ORC4: variants seen among roughly 807,000 people sequenced by gnomAD.
The protein encoded by ORC4 is origin recognition complex subunit 4, also known as origin recognition complex, subunit 4 homolog.
ORC4 carries 55 observed loss-of-function variants against 63.9 expected under a neutral mutation model. That is an observed-to-expected ratio of 0.86 (90% confidence interval 0.69 to 1.08). ORC4 has a LOEUF of 1.08. Among genes scored for constraint, ORC4 ranks in the 50% least tolerant of loss-of-function variants. ORC4 has a pLI of 0.00. For missense variants in ORC4, 511 were observed against 504.4 expected (o/e 1.01, Z -0.13); for synonymous variants, 150 against 168.5 (o/e 0.89, Z 0.85).
chr2:147,964,847 T>C (rs1379048700), intron 4 of ORC4, among the ~76,000 whole-genome samples: 5 of 152,150 alleles, frequency 3.3e-5, no homozygotes, highest in South Asian at 2.1e-4. Context: ...TTTTAGCTGA[T>C]TGTCAGAATA....
intron 1 of ORC4, among the ~76,000 whole-genome samples, chr2:148,012,437 C>T (rs1366711193): frequency 1.3e-5 from 2 of 152,014 alleles, no homozygotes; most frequent in African/African-American, 4.8e-5. Flanking sequence ...TTGCCATATA[C>T]AAAAATCAAA....
At chr2:147,971,697 A>C (rs1356264354) in intron 4 of ORC4, among the ~76,000 whole-genome samples, 1 of 152,042 alleles carries the variant, frequency 6.6e-6, no homozygotes, top group Non-Finnish European at 1.5e-5. Flanking sequence ...GCAAAGAAAA[A>C]CCATAATAAA....
rs559511813 is a variant in ORC4, at chr2:147,993,398, T to A, written c.-17-17423A>T. Among the ~76,000 whole-genome samples, 21 of 152,292 alleles carry A rather than the reference T, an allele frequency of 1.4e-4. No individual in the cohort carries two copies. The East Asian group carries it at 4.0e-3, about 29-fold the overall frequency. ...AAATAACATTGCTTTAGAGATAAATTATTTAAGAATTGCTAGAAATTACCC... is the reference window on the plus strand; with the variant it reads ...AAATAACATTGCTTTAGAGATAAATAATTTAAGAATTGCTAGAAATTACCC... On this transcript the variant is annotated intron_variant, in intron 1 of 13. Coordinates refer to ENST00000392857, the MANE Select transcript of ORC4 (RefSeq NM_181741.4).
chr2:147,952,467 G>A lies in ORC4; in HGVS notation c.494C>T (p.Ala165Val), dbSNP rs1460272905. ...GAGAAGTGTTTGGTTTTTATGATGA[G>A]CAAAAAGATCAAATTCATCTAATAT... ...IFILDEFDLF[A>V]HHKNQTLLYN... Residue 165 changes from alanine to valine, a missense_variant, in exon 8 of 14, where the codon GCT (alanine) becomes GTT (valine). By Grantham distance (64) the Ala-to-Val change is moderately conservative. Coordinates refer to ENST00000392857, the MANE Select transcript of ORC4 (RefSeq NM_181741.4). 1.9e-6 allele frequency: 3 copies of A among 1,610,424 alleles called. No homozygotes were observed. The highest frequency in any genetic ancestry group is 1.3e-5 in the African/African-American group (1 of 74,818).
At chr2:147,939,032 T>C (rs780915128) in intron 11 of ORC4, 108 bp downstream of exon 11, 185 of 727,566 alleles carry the variant, frequency 2.5e-4, no homozygotes, top group Non-Finnish European at 4.1e-4. Context: ...GATACGAAAG[T>C]ATTTTATAAA....
intron 1 of ORC4, among the ~76,000 whole-genome samples, chr2:148,020,266 T>A (rs1693617660): frequency 6.6e-6 from 1 of 152,224 alleles, no homozygotes; most frequent in African/African-American, 2.4e-5. Flanking sequence ...GACTTGTCTC[T>A]GTCCCTAGAT....
rs557582894 is a variant in ORC4, at chr2:147,957,787, C to T, written c.387+511G>A. ...CTGTGAAGTATGGATAATAAAATAA[C>T]GCCCAATTAACATGTAAAGAATCTG... On this transcript the variant is annotated intron_variant, in intron 6 of 13. Coordinates refer to ENST00000392857, the MANE Select transcript of ORC4 (RefSeq NM_181741.4). Among the ~76,000 whole-genome samples, 12 of 152,202 alleles carry T rather than the reference C, an allele frequency of 7.9e-5. No homozygotes were observed. In the East Asian group the frequency reaches 2.1e-3, roughly 27 times the overall value.
At chr2:147,949,453 C>G (rs911489316) in intron 8 of ORC4, among the ~76,000 whole-genome samples, 3 of 151,962 alleles carry the variant, frequency 2.0e-5, no homozygotes, top group African/African-American at 7.2e-5. Flanking sequence ...GGGGTGATCA[C>G]TAAAAGGTAC....
At chr2:148,009,623 T>C (rs1419040117) in intron 1 of ORC4, among the ~76,000 whole-genome samples, 2 of 152,176 alleles carry the variant, frequency 1.3e-5, no homozygotes, top group Non-Finnish European at 2.9e-5. Context: ...AATACAGTAA[T>C]GACTTGGGAC....
intron 8 of ORC4, chr2:147,951,446 G>C (rs1688954419): frequency 6.6e-6 from 1 of 152,178 alleles, no homozygotes; most frequent in South Asian, 2.1e-4. Context: ...CCTTCTTACT[G>C]GAGTGAGTTC....
chr2:147,946,295 GA>G (rs143757316), intron 9 of ORC4, among the ~76,000 whole-genome samples: 5 of 146,330 alleles, frequency 3.4e-5, no homozygotes, highest in African/African-American at 5.0e-5. Flanking sequence ...AGCAGGTATG[GA>G]AAAAAAAAAG....
chr2:147,972,010 T>C, intron 4 of ORC4, among the ~76,000 whole-genome samples: 1 of 152,046 alleles, frequency 6.6e-6, no homozygotes, highest in East Asian at 1.9e-4. Context: ...TGGTCAAAAA[T>C]TGAAATTTAT....
intron 4 of ORC4, among the ~76,000 whole-genome samples, chr2:147,964,522 T>C (rs1558846881): frequency 6.6e-6 from 1 of 152,166 alleles, no homozygotes; most frequent in Non-Finnish European, 1.5e-5. Context: ...GAAAAACATA[T>C]TTAATAAAAC....
chr2:147,996,401 G>A (rs560077037), intron 1 of ORC4, among the ~76,000 whole-genome samples: 10 of 152,106 alleles, frequency 6.6e-5, no homozygotes, highest in African/African-American at 1.2e-4. Context: ...ATACAACACC[G>A]AAAGTACAAT....
intron 1 of ORC4, among the ~76,000 whole-genome samples, chr2:148,013,059 T>G (rs1256291178): frequency 6.6e-6 from 1 of 152,120 alleles, no homozygotes; most frequent in Non-Finnish European, 1.5e-5. Context: ...CAAATAGAAC[T>G]ATAATCCAGC....
intron 10 of ORC4, among the ~76,000 whole-genome samples, chr2:147,940,484 T>C (rs1688307136): frequency 6.6e-6 from 1 of 152,156 alleles, no homozygotes; most frequent in Non-Finnish European, 1.5e-5. Flanking sequence ...TGCATGTGCA[T>C]GTTTATAGCA....
intron 1 of ORC4, among the ~76,000 whole-genome samples, chr2:148,009,236 A>G (rs1692809283): frequency 6.6e-6 from 1 of 152,048 alleles, no homozygotes; most frequent in Non-Finnish European, 1.5e-5. Flanking sequence ...GAAAACAAGG[A>G]AAAAAATGGG....
intron 1 of ORC4, chr2:147,982,086 T>A (rs1050923319): frequency 5.9e-5 from 9 of 152,194 alleles, no homozygotes; most frequent in African/African-American, 2.2e-4. Context: ...GGCTTCCTAA[T>A]TGAAAATTAA....
intron 10 of ORC4, 59 bp downstream of exon 10, chr2:147,943,377 C>A (rs2105271662): frequency 8.9e-7 from 1 of 1,123,316 alleles, no homozygotes; most frequent in Middle Eastern, 1.9e-4. Context: ...AAAGTGAGAC[C>A]CCGTCACTAT....
Sources: allele counts gnomAD v4.1 joint callset (sites outside exome capture counted in the v4.1 genomes callset), GRCh38; gene constraint gnomAD v4.1.1; transcripts MANE v1.5; gene names NCBI Gene and HGNC (gene_info 2026-07-23, HGNC 2026-07-21).